Variants in MACROD2 observed in about 807,000 individuals in gnomAD.
MACROD2 encodes the protein mono-ADP ribosylhydrolase 2.
A neutral mutation model predicts 70.4 loss-of-function variants in MACROD2; 36 were observed. The observed-to-expected ratio is 0.51, with a 90% confidence interval of 0.39 to 0.68. The LOEUF (loss-of-function observed/expected upper bound fraction) is 0.68. Ranked by LOEUF, MACROD2 falls within the 30% of genes least tolerant of loss-of-function variation. The pLI, the probability that MACROD2 is intolerant of heterozygous loss-of-function variation, is 0.00. For synonymous variants in MACROD2, 172 were observed against 178.8 expected (o/e 0.96, Z 0.30); for missense variants, 496 against 538.4 (o/e 0.92, Z 0.78).
chr20:15,803,815 A>G (rs1190982245), intron 8 of MACROD2, among the ~76,000 whole-genome samples: 1 of 152,204 alleles, frequency 6.6e-6, no homozygotes, highest in East Asian at 1.9e-4. Context: ...TGACATAGCA[A>G]TGCAAATAGA....
Position 15,922,830 on chromosome 20 carries a change from G to T in MACROD2, c.776-10446G>T, listed in dbSNP as rs148064247. ...TTCATTCCTGTGTCTGCAGCACCTG[G>T]TGCAATGTCCAGAACAGAGGGAGCT... On this transcript the variant is annotated intron_variant, in intron 10 of 17. Coordinates refer to ENST00000684519, the MANE Select transcript of MACROD2 (RefSeq NM_001351661.2). 3.8e-3 allele frequency among the ~76,000 whole-genome samples: 586 copies of T among 152,324 alleles called. 4 individuals carry two copies. Among genetic ancestry groups the T allele is most frequent in the African/African-American group, 0.013 (556 of 41,574 alleles).
At chr20:15,669,325 G>T (rs955069269) in intron 8 of MACROD2, among the ~76,000 whole-genome samples, 1 of 152,242 alleles carries the variant, frequency 6.6e-6, no homozygotes, top group Non-Finnish European at 1.5e-5. Flanking sequence ...CATGAAATGT[G>T]CAGGGTATAA....
intron 4 of MACROD2, among the ~76,000 whole-genome samples, chr20:14,656,936 T>C (rs1986006822): frequency 6.6e-6 from 1 of 152,176 alleles, no homozygotes; most frequent in Non-Finnish European, 1.5e-5. Context: ...TTCTAGTTAA[T>C]AAACCTCACT....
At chr20:15,948,398 A>G (rs1359562795) in intron 12 of MACROD2, among the ~76,000 whole-genome samples, 1 of 149,236 alleles carries the variant, frequency 6.7e-6, no homozygotes, top group Non-Finnish European at 1.5e-5. Context: ...AAAAAAAAAA[A>G]AAAAAAAAAA....
intron 8 of MACROD2, among the ~76,000 whole-genome samples, chr20:15,613,137 C>G (rs1195585723): frequency 6.6e-6 from 1 of 152,176 alleles, no homozygotes; most frequent in Non-Finnish European, 1.5e-5. Context: ...AGTACCCTGG[C>G]TAGTTGGCTA....
At chr20:15,151,151 T>G (rs894567042) in intron 5 of MACROD2, among the ~76,000 whole-genome samples, 1 of 152,030 alleles carries the variant, frequency 6.6e-6, no homozygotes, top group Non-Finnish European at 1.5e-5. Context: ...GGGCCAGAGT[T>G]CCAGGGGGCT....
At chr20:15,760,962 C>G (rs2051427379) in intron 8 of MACROD2, among the ~76,000 whole-genome samples, 1 of 152,196 alleles carries the variant, frequency 6.6e-6, no homozygotes, top group Admixed American at 6.5e-5. Flanking sequence ...GAATTTCAGA[C>G]TCTGCATATA....
intron 9 of MACROD2, among the ~76,000 whole-genome samples, chr20:15,876,111 A>ATATATATATATATATATATATATATG (rs1555789655): frequency 1.0e-4 from 14 of 138,808 alleles, no homozygotes; most frequent in African/African-American, 2.3e-4. Flanking sequence ...ATATATATAT[A>ATATATATATATATATATATATATATG]TGTGTGTATT....
intron 3 of MACROD2, among the ~76,000 whole-genome samples, chr20:14,185,348 C>T (rs1007700868): frequency 6.6e-6 from 1 of 151,686 alleles, no homozygotes; most frequent in African/African-American, 2.4e-5. Flanking sequence ...CTTGGAAGGA[C>T]TATCTACACC....
At chr20:15,846,415 AC>A (rs1340761326) in intron 8 of MACROD2, among the ~76,000 whole-genome samples, 16 of 151,860 alleles carry the variant, frequency 1.1e-4, no homozygotes, top group African/African-American at 3.6e-4. Context: ...AGTTTGCCCC[AC>A]CCCTCCAACA....
At chr20:14,997,644 AT>A (rs889386033) in intron 5 of MACROD2, among the ~76,000 whole-genome samples, 1 of 152,210 alleles carries the variant, frequency 6.6e-6, no homozygotes, top group African/African-American at 2.4e-5. Flanking sequence ...TCTTGACAGC[AT>A]TTCTAGACCC....
At chr20:14,103,234 G>C (rs560505481) in intron 3 of MACROD2, among the ~76,000 whole-genome samples, 1 of 151,900 alleles carries the variant, frequency 6.6e-6, no homozygotes, top group South Asian at 2.1e-4. Context: ...TTATTTTTTT[G>C]TTTTCCTACT....
chr20:14,750,540 A>G (rs574457896), intron 5 of MACROD2, among the ~76,000 whole-genome samples: 7 of 152,102 alleles, frequency 4.6e-5, no homozygotes, highest in Non-Finnish European at 8.8e-5. Flanking sequence ...GCTTACTGCA[A>G]TCTCTGCCTC....
intron 6 of MACROD2, among the ~76,000 whole-genome samples, chr20:15,420,882 T>C (rs1323558797): frequency 6.6e-6 from 1 of 152,078 alleles, no homozygotes; most frequent in African/African-American, 2.4e-5. Context: ...TGCTAGGAGT[T>C]GGAGACTAGC....
chr20:15,817,261 T>C (rs925845062), intron 8 of MACROD2, among the ~76,000 whole-genome samples: 1 of 152,218 alleles, frequency 6.6e-6, no homozygotes, highest in Admixed American at 6.5e-5. Context: ...TAAAGCGCAC[T>C]CATCCCAATA....
At chr20:15,502,734 A>G (rs1335419921) in intron 8 of MACROD2, among the ~76,000 whole-genome samples, 1 of 152,120 alleles carries the variant, frequency 6.6e-6, no homozygotes, top group East Asian at 1.9e-4. Flanking sequence ...ATAGGACTAG[A>G]GGATTGTTTT....
chr20:15,239,472 A>G (rs2077042028), intron 6 of MACROD2, among the ~76,000 whole-genome samples: 1 of 152,128 alleles, frequency 6.6e-6, no homozygotes, highest in Admixed American at 6.5e-5. Flanking sequence ...CATACCCTTC[A>G]AAACTGTGCA....
chr20:15,670,420 C>T (rs1327754529), intron 8 of MACROD2, among the ~76,000 whole-genome samples: 1 of 152,196 alleles, frequency 6.6e-6, no homozygotes, highest in Non-Finnish European at 1.5e-5. Context: ...TACAGACAGA[C>T]TCAGGGTCTC....
chr20:14,883,249 T>A (rs1416165459), intron 5 of MACROD2, among the ~76,000 whole-genome samples: 1 of 152,194 alleles, frequency 6.6e-6, no homozygotes, highest in Non-Finnish European at 1.5e-5. Context: ...TAAGTTAGAT[T>A]CATGAAAAAC....
Sources: allele counts gnomAD v4.1 joint callset (sites outside exome capture counted in the v4.1 genomes callset), GRCh38; gene constraint gnomAD v4.1.1; transcripts MANE v1.5; gene names NCBI Gene and HGNC (gene_info 2026-07-23, HGNC 2026-07-21).